MARCHF1: variants seen among roughly 807,000 people sequenced by gnomAD.
The protein encoded by MARCHF1 is E3 ubiquitin-protein ligase MARCHF1.
In MARCHF1, 40 loss-of-function variants were observed where a neutral mutation model predicts 54.2. The ratio of observed to expected loss-of-function variants is 0.74; its 90% CI spans 0.57 to 0.96. The LOEUF (loss-of-function observed/expected upper bound fraction) is 0.96, where lower values mean the gene tolerates loss of function less well. MARCHF1 is among the 40% of genes least tolerant of loss of function. The pLI is 0.00. For synonymous variants in MARCHF1, 236 were observed against 236.3 expected (o/e 1.00, Z 0.01); for missense variants, 586 against 656.5 (o/e 0.89, Z 1.17).
At chr4:164,226,667 G>A (rs192668814) in intron 1 of MARCHF1, among the ~76,000 whole-genome samples, 1 of 152,014 alleles carries the variant, frequency 6.6e-6, no homozygotes, top group Admixed American at 6.6e-5. Context: ...ATGTGTGTGT[G>A]TATATATATA....
intron 1 of MARCHF1, among the ~76,000 whole-genome samples, chr4:164,128,775 T>C (rs1187255967): frequency 6.6e-6 from 1 of 152,126 alleles, no homozygotes; most frequent in Non-Finnish European, 1.5e-5. Flanking sequence ...ACATGAACAA[T>C]CTGCTATAAT....
intron 5 of MARCHF1, among the ~76,000 whole-genome samples, chr4:163,669,396 A>G (rs1293554634): frequency 6.6e-6 from 1 of 152,118 alleles, no homozygotes; most frequent in Non-Finnish European, 1.5e-5. Flanking sequence ...ATTTGAAATG[A>G]TCTGCAGGTG....
intron 4 of MARCHF1, among the ~76,000 whole-genome samples, chr4:163,716,149 A>T (rs1745247849): frequency 6.6e-6 from 1 of 152,178 alleles, no homozygotes; most frequent in Admixed American, 6.5e-5. Flanking sequence ...AACTTTTATG[A>T]TGGTTCTTTA....
intron 1 of MARCHF1, among the ~76,000 whole-genome samples, chr4:164,174,034 C>A (rs773326944): frequency 2.6e-5 from 4 of 152,164 alleles, no homozygotes; most frequent in Non-Finnish European, 4.4e-5. Flanking sequence ...ATAAGGTCAA[C>A]AAACTTTCTA....
intron 1 of MARCHF1, chr4:164,188,551 C>A: frequency 1.3e-6 from 1 of 749,906 alleles, no homozygotes; most frequent in Non-Finnish European, 2.5e-6. Context: ...ACAATCAGAG[C>A]AAACGCATCA....
At chr4:164,271,798 A>G (rs867298833) in intron 1 of MARCHF1, among the ~76,000 whole-genome samples, 6 of 152,170 alleles carry the variant, frequency 3.9e-5, no homozygotes, top group African/African-American at 1.4e-4. Context: ...ATTAAGGAAG[A>G]AAAGTGAAAA....
At chr4:163,834,293 A>T (rs1749114971) in intron 4 of MARCHF1, among the ~76,000 whole-genome samples, 1 of 151,522 alleles carries the variant, frequency 6.6e-6, no homozygotes, top group Non-Finnish European at 1.5e-5. Flanking sequence ...AAAAAAAAAC[A>T]TTACTAACTG....
chr4:164,352,540 A>C lies in MARCHF1; in HGVS notation c.-323+31330T>G, dbSNP rs372625043. On this transcript the variant is annotated intron_variant, in intron 1 of 9. Transcript: ENST00000514618. The stretch of plus-strand genomic sequence containing the variant: ...TTCATAAGTGAAGGAGAAATAAAAT[A>C]CTTTACAGACAAGCAAATGCTGAGA... 2.0e-3 allele frequency among the ~76,000 whole-genome samples: 266 copies of C among 136,038 alleles called. 2 individuals are homozygous for C. The highest frequency in any genetic ancestry group is 8.6e-3 in the East Asian group (34 of 3,966). The allele number at this position is 136,038 out of a possible 152,430, so 89.2% of individuals were successfully genotyped here.
chr4:164,053,273 G>A (rs571955991), intron 2 of MARCHF1, among the ~76,000 whole-genome samples: 15 of 151,970 alleles, frequency 9.9e-5, no homozygotes, highest in South Asian at 2.1e-4. Context: ...CATTTCTCAC[G>A]GTTTTAAACT....
intron 4 of MARCHF1, among the ~76,000 whole-genome samples, chr4:163,730,898 A>G (rs9995058): frequency 0.025 from 3,745 of 152,062 alleles, 158 homozygotes; most frequent in African/African-American, 0.084. Context: ...GTCATCCCCT[A>G]TTTTCACTAA....
intron 3 of MARCHF1, among the ~76,000 whole-genome samples, chr4:163,966,310 A>G (rs189641684): frequency 1.9e-3 from 291 of 152,160 alleles, no homozygotes; most frequent in African/African-American, 6.8e-3. Context: ...ATTAAAAAAA[A>G]CAGCTTTAGG....
At position 164,136,192 on chromosome 4, in the gene MARCHF1, T is replaced by A. The variant is rs533390454; in HGVS notation, c.-322-24530A>T. ...TATGTTCTTCTCACAGTGCACCGAT[T>A]TGGACAAAAACCCACAGCAAGAGTG... is the stretch of plus-strand genomic sequence containing the variant. On this transcript the variant is annotated intron_variant, in intron 1 of 9. Transcript: ENST00000514618. Among the ~76,000 whole-genome samples, 52 of 150,714 alleles carry A rather than the reference T, an allele frequency of 3.5e-4. 1 individual carries two copies. In the South Asian group the frequency reaches 0.011, roughly 31 times the overall value.
At chr4:164,139,680 G>A (rs980904581) in intron 1 of MARCHF1, among the ~76,000 whole-genome samples, 4 of 150,310 alleles carry the variant, frequency 2.7e-5, no homozygotes, top group East Asian at 1.9e-4. Flanking sequence ...CTTACTCAGC[G>A]CAGGAGTAGA....
At chr4:164,370,456 C>A (rs950032221) in intron 1 of MARCHF1, among the ~76,000 whole-genome samples, 3 of 152,212 alleles carry the variant, frequency 2.0e-5, no homozygotes, top group African/African-American at 7.2e-5. Context: ...AATTCCCTTA[C>A]CATACTCTCT....
Position 164,029,742 on chromosome 4 carries a change from G to A in MARCHF1, c.-247-41033C>T, listed in dbSNP as rs367911698. On this transcript the variant is annotated intron_variant, in intron 2 of 9. Transcript: ENST00000514618. Reference sequence around the variant, plus strand: ...CCCAAGTAGCTGACATTACAGGTGCGTGCCACCACACCCAGCTAATTTTTG... The same window carrying A: ...CCCAAGTAGCTGACATTACAGGTGCATGCCACCACACCCAGCTAATTTTTG... 5.3e-5 allele frequency among the ~76,000 whole-genome samples: 8 copies of A among 152,008 alleles called. No homozygotes were observed. In the East Asian group the frequency reaches 5.8e-4, roughly 11 times the overall value.
chr4:163,873,002 C>A (rs1300202719), intron 3 of MARCHF1, among the ~76,000 whole-genome samples: 2 of 151,952 alleles, frequency 1.3e-5, no homozygotes, highest in Admixed American at 1.3e-4. Context: ...CGAGATCGCG[C>A]CACTGCACTC....
At chr4:163,941,970 T>C (rs1751921625) in intron 3 of MARCHF1, among the ~76,000 whole-genome samples, 1 of 152,202 alleles carries the variant, frequency 6.6e-6, no homozygotes, top group Non-Finnish European at 1.5e-5. Flanking sequence ...CTTTCTTCTC[T>C]GTGTTTACTT....
chr4:163,742,393 TCCTC>T (rs149404651), intron 4 of MARCHF1, among the ~76,000 whole-genome samples: 31,034 of 99,930 alleles, frequency 0.31, 4,298 homozygotes, highest in Non-Finnish European at 0.37. Flanking sequence ...CCTCCTTCCT[TCCTC>T]CCTTCCTTCC....
At chr4:164,142,202 A>G (rs1008171244) in intron 1 of MARCHF1, among the ~76,000 whole-genome samples, 1 of 152,280 alleles carries the variant, frequency 6.6e-6, no homozygotes, top group African/African-American at 2.4e-5. Context: ...TTGCTAGCAC[A>G]GCAGTCTGAG....
Sources: gnomAD v4.1 joint callset for allele counts (sites outside exome capture counted in the v4.1 genomes callset) on GRCh38, gnomAD v4.1.1 for gene constraint, MANE v1.5 for transcripts, NCBI Gene and HGNC (gene_info 2026-07-23, HGNC 2026-07-21) for gene names.